Variants in AKAP8L observed in about 807,000 individuals in gnomAD.
AKAP8L encodes the protein A-kinase anchoring protein 8 like, also known as A-kinase anchor protein 8-like.
Under a neutral mutation model 77.5 loss-of-function variants are expected in AKAP8L, and 34 were observed. The observed-to-expected ratio is 0.44, with a 90% CI of 0.33 to 0.58. The LOEUF is 0.58. AKAP8L is among the 20% of genes least tolerant of loss of function. The pLI, the probability that AKAP8L is intolerant of heterozygous loss-of-function variation, is 0.02. For missense variants in AKAP8L, 806 were observed against 887.6 expected (o/e 0.91, Z 1.17); for synonymous variants, 342 against 340.7 (o/e 1.00, Z -0.04).
intron 12 of AKAP8L, among the ~76,000 whole-genome samples, chr19:15,395,069 G>A (rs1967741654): frequency 2.0e-5 from 3 of 149,514 alleles, no homozygotes; most frequent in East Asian, 2.0e-4. Context: ...TCGCTCTGTC[G>A]CCCAGGCTGA....
At chr19:15,416,116 C>T (rs1025048801) in intron 1 of AKAP8L, among the ~76,000 whole-genome samples, 5 of 151,022 alleles carry the variant, frequency 3.3e-5, no homozygotes, top group African/African-American at 4.9e-5. Context: ...TGTGAGCCAC[C>T]GTGCCTGATC....
rs1054656798 is a variant in AKAP8L, at chr19:15,398,165, C to T, written c.1158-310G>A. On this transcript the variant is annotated intron_variant, in intron 9 of 13. Coordinates refer to ENST00000397410, the MANE Select transcript of AKAP8L (RefSeq NM_014371.4). This position sits in a 1 kb window ranked among gnomAD's most constrained non-coding sequence, Gnocchi z 9.2. ...TCGCTGGAAAGTTGCTGGAGGGCCTCGCTACCAAGGCTGGGCAGGAGCGTG... is the reference window on the plus strand; with the variant it reads ...TCGCTGGAAAGTTGCTGGAGGGCCTTGCTACCAAGGCTGGGCAGGAGCGTG... The T allele has an allele frequency of 7.3e-6, 3 of 412,016 alleles. No homozygotes were observed. The highest frequency in any genetic ancestry group is 3.6e-5 in the Admixed American group (1 of 27,636). 25.5% of individuals were successfully genotyped at this position (412,016 alleles called of 1,614,324 possible).
chr19:15,397,650 T>C lies in AKAP8L; in HGVS notation c.1300-25A>G. On this transcript the variant is annotated intron_variant, in intron 10 of 13. Coordinates refer to ENST00000397410, the MANE Select transcript of AKAP8L (RefSeq NM_014371.4). The surrounding 1 kb of genome is among the most constrained non-coding windows in gnomAD (Gnocchi z 4.7). ...CCTGCAAGGAATATAAAGGTTCATG[T>C]GGGCCGCCTTATGTTCTCAGGGGTC... 2 of 1,613,942 alleles carry C rather than the reference T, an allele frequency of 1.2e-6. No individual in the cohort carries two copies. The highest frequency in any genetic ancestry group is 8.5e-7 in the Non-Finnish European group (1 of 1,179,844).
At position 15,380,111 on chromosome 19, in the gene AKAP8L, C is replaced by T. The variant is rs1967364808; in HGVS notation, c.*11G>A. 3 of 1,473,210 alleles carry T rather than the reference C, an allele frequency of 2.0e-6. No individual in the cohort carries two copies. The highest frequency in any genetic ancestry group is 3.0e-5 in the African/African-American group (2 of 67,418). 91.3% of individuals were successfully genotyped at this position (1,473,210 alleles called of 1,614,324 possible). On this transcript the variant is annotated 3_prime_UTR_variant, in exon 14 of 14. Coordinates refer to ENST00000397410, the MANE Select transcript of AKAP8L (RefSeq NM_014371.4). ...TTCGGCCACGCGGGCTCCGCCCGCC[C>T]CGAGCTCGGGTCACGGGGCGCCCCC...
In AKAP8L at chr19:15,403,529, G is replaced by C. The variant is rs1446309083; in HGVS notation, c.308C>G (p.Pro103Arg). ...TTGCATCATGTCTGTCTCCAAATGC[G>C]GCACCATATCTAAGCGCTGGTTAAT... ...SRINQRLDMV[P>R]HLETDMMQGG... The change falls in exon 4 of 14, where the codon CCG becomes CGG. Residue 103 changes from proline (P) to arginine (R), a missense_variant. Around this residue, in one of 2 missense-constraint regions of AKAP8L, gnomAD observed 580 missense variants for 694.1 expected, o/e 0.84. Transcript: ENST00000397410. The surrounding 1 kb of genome is among the most constrained non-coding windows in gnomAD (Gnocchi z 4.3). 1.9e-6 allele frequency: 3 copies of C among 1,613,836 alleles called. No individual in the cohort carries two copies. The highest frequency in any genetic ancestry group is 2.5e-6 in the Non-Finnish European group (3 of 1,179,892).
intron 1 of AKAP8L, 81 bp from the exon 2 acceptor site, chr19:15,410,675 G>T: frequency 8.7e-7 from 1 of 1,155,236 alleles, no homozygotes; most frequent in Non-Finnish European, 1.3e-6. Context: ...TTTGGTATAG[G>T]ATTGCCAGCA....
chr19:15,397,420 C>A lies in AKAP8L; in HGVS notation c.1405+100G>T, dbSNP rs1005024338. On this transcript the variant is annotated intron_variant, in intron 11 of 13. Transcript: ENST00000397410. The surrounding 1 kb of genome is among the most constrained non-coding windows in gnomAD (Gnocchi z 4.7). ...GCCTGAGCCAAGGCTGGTCTCCTGA[C>A]CTTCCCTGGGGGAACAGAAGGGTGT... 16 of 1,486,182 alleles carry A rather than the reference C, an allele frequency of 1.1e-5. No individual in the cohort carries two copies. The highest frequency in any genetic ancestry group is 1.9e-5 in the Admixed American group (1 of 52,934). 92.1% of individuals were successfully genotyped at this position (1,486,182 alleles called of 1,614,324 possible).
At chr19:15,402,758 C>A (rs572951049) in intron 4 of AKAP8L, among the ~76,000 whole-genome samples, 1 of 152,238 alleles carries the variant, frequency 6.6e-6, no homozygotes, top group Non-Finnish European at 1.5e-5. Flanking sequence ...ACGCTCCTCA[C>A]CAAAGCCTCG....
At position 15,401,215 on chromosome 19, in the gene AKAP8L, C is replaced by A. The variant is rs1334161645; in HGVS notation, c.751G>T (p.Gly251Trp). Residue 251 changes from glycine (G) to tryptophan (W), a missense_variant, in exon 5 of 14, where the codon GGG becomes TGG. Around this residue, in one of 2 missense-constraint regions of AKAP8L, gnomAD observed 580 missense variants for 694.1 expected, o/e 0.84. Coordinates refer to ENST00000397410, the MANE Select transcript of AKAP8L (RefSeq NM_014371.4). This position sits in a 1 kb window ranked among gnomAD's most constrained non-coding sequence, Gnocchi z 6.2. ...AFPGGSRFGF[G>W]FGNGMKQMRR... ...ATCTGCTTCATGCCATTGCCAAACC[C>A]GAAACCAAAGCGGGAGCCGCCCGGG... 6.2e-7 allele frequency: 1 copy of A among 1,612,834 alleles called. No individual in the cohort carries two copies. The highest frequency in any genetic ancestry group is 1.1e-5 in the South Asian group (1 of 91,072).
Position 15,400,938 on chromosome 19 carries a change from T to C in AKAP8L, c.913+9A>G, listed in dbSNP as rs756559885. 6.2e-7 allele frequency: 1 copy of C among 1,613,918 alleles called. No individual in the cohort carries two copies. Among genetic ancestry groups the C allele is most frequent in the Non-Finnish European group, 8.5e-7 (1 of 1,179,866 alleles). On this transcript the variant is annotated intron_variant, in intron 6 of 13. Transcript: ENST00000397410. ...GGGGCAGCCGCCCAGTACCACCTAG[T>C]GGGCTCACCATTGTCTGAGTCGCTG... is the stretch of plus-strand genomic sequence containing the variant.
intron 1 of AKAP8L, among the ~76,000 whole-genome samples, chr19:15,411,971 C>T (rs534486458): frequency 2.6e-5 from 4 of 151,954 alleles, no homozygotes; most frequent in South Asian, 2.1e-4. Context: ...GCACTTTGGG[C>T]GGCCGAGGCA....
chr19:15,382,843 C>A (rs1967447240), intron 12 of AKAP8L, among the ~76,000 whole-genome samples: 1 of 152,154 alleles, frequency 6.6e-6, no homozygotes, highest in African/African-American at 2.4e-5. Flanking sequence ...AGACTCAATT[C>A]TTTTTTCTTA....
At position 15,380,619 on chromosome 19, in the gene AKAP8L, G is replaced by C. The variant is rs1184420102; in HGVS notation, c.1537-7C>G. On this transcript the variant is annotated splice_region_variant and splice_polypyrimidine_tract_variant and intron_variant, in intron 12 of 13. Transcript: ENST00000397410. ...TGGACTGCTCCATCATGAGCTGCGG[G>C]CAGGGCAGAAGGAGCTGGAGAGGCT... 6.2e-7 allele frequency: 1 copy of C among 1,613,048 alleles called. No individual in the cohort carries two copies. The highest frequency in any genetic ancestry group is 1.7e-5 in the Admixed American group (1 of 60,008).
rs1192231844 is a variant in AKAP8L at position 15,380,616 on chromosome 19, C to T, written c.1537-4G>A. Reference sequence around the variant, plus strand: ...TCTTGGACTGCTCCATCATGAGCTGCGGGCAGGGCAGAAGGAGCTGGAGAG... The same window carrying T: ...TCTTGGACTGCTCCATCATGAGCTGTGGGCAGGGCAGAAGGAGCTGGAGAG... On this transcript the variant is annotated splice_region_variant and splice_polypyrimidine_tract_variant and intron_variant, in intron 12 of 13. Transcript: ENST00000397410. 2 of 1,613,100 alleles carry T rather than the reference C, an allele frequency of 1.2e-6. No individual in the cohort carries two copies. Among genetic ancestry groups the T allele is most frequent in the Non-Finnish European group, 1.7e-6 (2 of 1,179,804 alleles).
At chr19:15,391,322 G>A (rs1285657493) in intron 12 of AKAP8L, among the ~76,000 whole-genome samples, 1 of 150,880 alleles carries the variant, frequency 6.6e-6, no homozygotes, top group African/African-American at 2.4e-5. Flanking sequence ...GCTGCGCGTG[G>A]TGGCGGGCAC....
In AKAP8L at chr19:15,380,446, C is replaced by T; in HGVS notation, c.1633-16G>A. 6.2e-7 allele frequency: 1 copy of T among 1,609,626 alleles called. No individual in the cohort carries two copies. Among genetic ancestry groups the T allele is most frequent in the Non-Finnish European group, 8.5e-7 (1 of 1,178,382 alleles). On this transcript the variant is annotated splice_polypyrimidine_tract_variant and intron_variant, in intron 13 of 13. Transcript: ENST00000397410. The stretch of plus-strand genomic sequence containing the variant: ...GGTTCTCGCCCTGTGGGGAGGGGCG[C>T]GGACACTGAAGGGAGGGAGCACAGG...
At position 15,380,134 on chromosome 19, in the gene AKAP8L, C is replaced by G. The variant is rs941580518; in HGVS notation, c.1929G>C (p.Gly643=). 1.3e-6 allele frequency: 2 copies of G among 1,496,372 alleles called. No individual in the cohort carries two copies. Among genetic ancestry groups the G allele is most frequent in the African/African-American group, 2.9e-5 (2 of 68,506 alleles). The allele number at this position is 1,496,372 out of a possible 1,614,324, so 92.7% of individuals were successfully genotyped here. A position where few individuals can be genotyped will look rare whatever the true frequency, so the allele number is the denominator to read the frequency against. ...LDVEDDEEGG[G]GAP is the part of the protein sequence containing the mutation. ...CCCCGAGCTCGGGTCACGGGGCGCCCCCGCCGCCCTCCTCGTCGTCCTCCA... is the reference window on the plus strand; with the variant it reads ...CCCCGAGCTCGGGTCACGGGGCGCCGCCGCCGCCCTCCTCGTCGTCCTCCA... The change falls in exon 14 of 14, where the codon GGG becomes GGC. Residue 643 remains glycine (G), a synonymous_variant. Coordinates refer to ENST00000397410, the MANE Select transcript of AKAP8L (RefSeq NM_014371.4).
chr19:15,404,307 C>T, intron 2 of AKAP8L: 1 of 462,026 alleles, frequency 2.2e-6, no homozygotes, highest in Non-Finnish European at 3.8e-6. Flanking sequence ...CTCCTATACT[C>T]CTCCCTTTAA....
At position 15,380,140 on chromosome 19, in the gene AKAP8L, G is replaced by A. The variant is rs972959396; in HGVS notation, c.1923C>T (p.Gly641=). The A allele has an allele frequency of 7.3e-6, 11 of 1,498,386 alleles. No individual in the cohort carries two copies. The highest frequency in any genetic ancestry group is 2.3e-4 in the Middle Eastern group (1 of 4,308). The allele number at this position is 1,498,386 out of a possible 1,614,324, so 92.8% of individuals were successfully genotyped here. A position where few individuals can be genotyped will look rare whatever the true frequency, so the allele number is the denominator to read the frequency against. Reference sequence around the variant, plus strand: ...GCTCGGGTCACGGGGCGCCCCCGCCGCCCTCCTCGTCGTCCTCCACGTCGA... The same window carrying A: ...GCTCGGGTCACGGGGCGCCCCCGCCACCCTCCTCGTCGTCCTCCACGTCGA... The part of the protein sequence containing the change: ...PGLDVEDDEE[G]GGGAP The change falls in exon 14 of 14, where the codon GGC becomes GGT. Residue 641 remains glycine (G), a synonymous_variant. Transcript: ENST00000397410.
Sources: allele counts gnomAD v4.1 joint callset (sites outside exome capture counted in the v4.1 genomes callset), GRCh38; gene constraint gnomAD v4.1.1; regional missense constraint gnomAD v4.1.1; non-coding constraint Gnocchi (gnomAD v3.1); transcripts MANE v1.5; gene names NCBI Gene and HGNC (gene_info 2026-07-23, HGNC 2026-07-21).